Variants in KCNH1 observed in about 807,000 individuals in gnomAD.
KCNH1 encodes the protein potassium voltage-gated channel subfamily H member 1, also known as voltage-gated delayed rectifier potassium channel KCNH1.
In KCNH1, 27 loss-of-function variants were observed where a neutral mutation model predicts 69.2. The observed-to-expected ratio is 0.39, with a 90% confidence interval of 0.29 to 0.54. The LOEUF is 0.54. Ranked by LOEUF, KCNH1 falls within the 20% of genes least tolerant of loss-of-function variation. The pLI is 0.68. For missense variants in KCNH1, 798 were observed against 1,261.6 expected (o/e 0.63, Z 5.57); for synonymous variants, 456 against 487.7 (o/e 0.93, Z 0.86).
chr1:210,732,929 C>A (rs970876840), intron 10 of KCNH1, among the ~76,000 whole-genome samples: 11 of 152,192 alleles, frequency 7.2e-5, no homozygotes, highest in Non-Finnish European at 1.0e-4. Context: ...AACATTCAGA[C>A]CACAGCAAGG....
At chr1:211,127,976 A>C (rs754010552) in intron 1 of KCNH1, among the ~76,000 whole-genome samples, 7 of 152,194 alleles carry the variant, frequency 4.6e-5, no homozygotes, top group Admixed American at 1.3e-4. Context: ...GTCATACTAT[A>C]AAGCACGATG....
Position 210,681,592 on chromosome 1 carries a change from G to A in KCNH1, c.*1689C>T, listed in dbSNP as rs1681267235. 1 of 151,994 alleles carries A rather than the reference G, an allele frequency of 6.6e-6. No homozygotes were observed. The highest frequency in any genetic ancestry group is 2.4e-5 in the African/African-American group (1 of 41,380). The allele number at this position is 151,994 out of a possible 1,614,324, so 9.4% of individuals were successfully genotyped here. A position where few individuals can be genotyped will look rare whatever the true frequency, so the allele number is the denominator to read the frequency against. The stretch of plus-strand genomic sequence containing the variant: ...CCCTGGGACTCGCCGTGAGCACTGG[G>A]CAGGACTAAGGAGGTGGGGTGGGGT... On this transcript the variant is annotated 3_prime_UTR_variant, in exon 11 of 11. Coordinates refer to ENST00000271751, the MANE Select transcript of KCNH1 (RefSeq NM_172362.3).
intron 10 of KCNH1, among the ~76,000 whole-genome samples, chr1:210,749,742 C>CTTT (rs34174582): frequency 0.016 from 2,023 of 130,494 alleles, 96 homozygotes; most frequent in African/African-American, 0.055. Context: ...AGGCTGCTCA[C>CTTT]TTTTTTTTTT....
intron 6 of KCNH1, among the ~76,000 whole-genome samples, chr1:210,955,097 TC>T (rs1688142477): frequency 6.6e-6 from 1 of 152,216 alleles, no homozygotes; most frequent in South Asian, 2.1e-4. Context: ...AAGGAAGGGA[TC>T]CAGTTTCAGC....
At chr1:210,994,089 C>G (rs1688980380) in intron 6 of KCNH1, among the ~76,000 whole-genome samples, 1 of 152,062 alleles carries the variant, frequency 6.6e-6, no homozygotes, top group Non-Finnish European at 1.5e-5. Flanking sequence ...TTAACTAACT[C>G]AAAACACAAA....
chr1:210,737,585 C>A (rs553581944), intron 10 of KCNH1, among the ~76,000 whole-genome samples: 2 of 152,246 alleles, frequency 1.3e-5, no homozygotes, highest in East Asian at 1.9e-4. Flanking sequence ...ATAGTTAGCC[C>A]AGAACTCCCC....
At chr1:211,111,342 C>G (rs1207402591) in intron 1 of KCNH1, among the ~76,000 whole-genome samples, 4 of 150,710 alleles carry the variant, frequency 2.7e-5, no homozygotes, top group South Asian at 2.1e-4. Flanking sequence ...TCTGCCCGGC[C>G]CCCCCACCGT....
At chr1:210,909,149 G>A (rs1430501962) in intron 7 of KCNH1, among the ~76,000 whole-genome samples, 1 of 152,242 alleles carries the variant, frequency 6.6e-6, no homozygotes, top group Non-Finnish European at 1.5e-5. Context: ...TGTCAGGTGA[G>A]AATTTACAGA....
intron 6 of KCNH1, among the ~76,000 whole-genome samples, chr1:211,006,519 A>T (rs1689288175): frequency 6.6e-6 from 1 of 152,200 alleles, no homozygotes; most frequent in African/African-American, 2.4e-5. Flanking sequence ...TAGCGTTAGA[A>T]ATCAAGTTGC....
intron 5 of KCNH1, among the ~76,000 whole-genome samples, chr1:211,076,523 G>A (rs1340111134): frequency 1.3e-5 from 2 of 152,216 alleles, no homozygotes; most frequent in South Asian, 2.1e-4. Context: ...GGACCTGACT[G>A]TTAGAAGGAA....
intron 7 of KCNH1, among the ~76,000 whole-genome samples, chr1:210,902,693 C>T (rs1433366020): frequency 2.0e-5 from 3 of 152,044 alleles, no homozygotes; most frequent in East Asian, 1.9e-4. Context: ...CATAGTAAAG[C>T]GGCACACTCT....
At chr1:210,852,339 A>C (rs1346121489) in intron 7 of KCNH1, among the ~76,000 whole-genome samples, 1 of 152,220 alleles carries the variant, frequency 6.6e-6, no homozygotes, top group Non-Finnish European at 1.5e-5. Flanking sequence ...GTGCGAGAGA[A>C]GGCTGGAGAG....
rs146862115 is a variant in KCNH1 at position 210,685,398 on chromosome 1, G to A, written c.2113-1260C>T. Among the ~76,000 whole-genome samples the A allele has an allele frequency of 3.1e-3, 474 of 152,292 alleles. 5 individuals carry two copies. Among genetic ancestry groups the A allele is most frequent in the African/African-American group, 0.011 (453 of 41,564 alleles). On this transcript the variant is annotated intron_variant, in intron 10 of 10. Coordinates refer to ENST00000271751, the MANE Select transcript of KCNH1 (RefSeq NM_172362.3). The stretch of plus-strand genomic sequence containing the variant: ...TCCAATCTGGAAAACTCTGTGCCCT[G>A]GGCAGGCCACTTAGACCCACCCAAA...
intron 6 of KCNH1, among the ~76,000 whole-genome samples, chr1:210,983,872 A>T (rs1267804511): frequency 6.6e-6 from 1 of 152,120 alleles, no homozygotes; most frequent in Non-Finnish European, 1.5e-5. Flanking sequence ...CAGTATGGCC[A>T]TTTTCGTGAT....
At chr1:210,764,478 G>A (rs527328795) in intron 10 of KCNH1, among the ~76,000 whole-genome samples, 2 of 152,100 alleles carry the variant, frequency 1.3e-5, no homozygotes, top group Non-Finnish European at 2.9e-5. Flanking sequence ...ATCTGATAAA[G>A]AACTAATATC....
chr1:211,040,995 C>G (rs1026592827), intron 5 of KCNH1, among the ~76,000 whole-genome samples: 3 of 152,198 alleles, frequency 2.0e-5, no homozygotes, highest in Admixed American at 2.0e-4. Flanking sequence ...TCTCCTTTTT[C>G]TTCCCATCAA....
rs1368205394 is a variant in KCNH1, at chr1:210,857,783, A to G, written c.1463-53617T>C. ...CTCATCTGACAGATGTTTAAGATCAATAAAGGCTTATTTTTCAACTTGCAG... is the reference window on the plus strand; with the variant it reads ...CTCATCTGACAGATGTTTAAGATCAGTAAAGGCTTATTTTTCAACTTGCAG... On this transcript the variant is annotated intron_variant, in intron 7 of 10. Transcript: ENST00000271751. Among the ~76,000 whole-genome samples, 23 of 152,218 alleles carry G rather than the reference A, an allele frequency of 1.5e-4. 1 individual carries two copies.
Position 210,712,673 on chromosome 1 carries a change from C to T in KCNH1, c.2113-28535G>A, listed in dbSNP as rs567718220. ...ATGGCAGAACTTGCTGCTGGTGTCA[C>T]AGGTGGTTTGGCTCATACCTATTCA... is the stretch of plus-strand genomic sequence containing the variant. On this transcript the variant is annotated intron_variant, in intron 10 of 10. Transcript: ENST00000271751. Among the ~76,000 whole-genome samples, 3 of 152,300 alleles carry T rather than the reference C, an allele frequency of 2.0e-5. No individual in the cohort carries two copies. In the South Asian group the frequency reaches 6.2e-4, roughly 32 times the overall value.
chr1:210,847,864 C>T (rs1685595429), intron 7 of KCNH1, among the ~76,000 whole-genome samples: 1 of 151,398 alleles, frequency 6.6e-6, no homozygotes. Context: ...ACCAAAATTA[C>T]CATGAGCAAA....
Sources: allele counts gnomAD v4.1 joint callset (sites outside exome capture counted in the v4.1 genomes callset), GRCh38; gene constraint gnomAD v4.1.1; transcripts MANE v1.5; gene names NCBI Gene and HGNC (gene_info 2026-07-23, HGNC 2026-07-21).